PDZD2: variants seen among roughly 807,000 people sequenced by gnomAD.
PDZD2 encodes PDZ domain containing 2, also known as PDZ domain-containing protein 2.
Under a neutral mutation model 220.7 loss-of-function variants are expected in PDZD2, and 90 were observed. The observed-to-expected ratio is 0.41, with a 90% confidence interval of 0.34 to 0.49. The LOEUF is 0.49. Among genes scored for constraint, PDZD2 ranks in the 20% least tolerant of loss-of-function variants. The probability of loss-of-function intolerance (pLI) is 0.28; values close to 1 mark genes in which losing one functional copy is unlikely to be tolerated. For synonymous variants in PDZD2, 1,375 were observed against 1,450.5 expected (o/e 0.95, Z 1.18); for missense variants, 3,174 against 3,608.5 (o/e 0.88, Z 3.08).
chr5:31,799,347 G>C lies in PDZD2; in HGVS notation c.99G>C (p.Arg33=), dbSNP rs200296366. 27 of 1,614,098 alleles carry C rather than the reference G, an allele frequency of 1.7e-5. No individual in the cohort carries two copies. Among genetic ancestry groups the C allele is most frequent in the Admixed American group, 8.3e-5 (5 of 60,010 alleles). The change falls in exon 2 of 25, where the codon CGG becomes CGC. Residue 33 remains arginine (R), a synonymous_variant. Transcript: ENST00000438447. The part of the protein sequence containing the change: ...LQEGGDGPEQ[R]LCQAAIQKLQ... ...AAGGTGGGGATGGGCCGGAGCAGCGGCTCTGCCAGGCGGCCATCCAGAAGC... is the reference window on the plus strand; with the variant it reads ...AAGGTGGGGATGGGCCGGAGCAGCGCCTCTGCCAGGCGGCCATCCAGAAGC...
At chr5:31,972,441 C>T (rs1561228807) in intron 2 of PDZD2, among the ~76,000 whole-genome samples, 1 of 152,020 alleles carries the variant, frequency 6.6e-6, no homozygotes. Flanking sequence ...TTCTTGTAGC[C>T]CATCTCACTT....
At chr5:32,052,023 C>T (rs1354213964) in intron 8 of PDZD2, among the ~76,000 whole-genome samples, 1 of 152,176 alleles carries the variant, frequency 6.6e-6, no homozygotes, top group East Asian at 1.9e-4. Context: ...CTTCCTGACT[C>T]CATTCCAGAT....
chr5:31,953,149 A>G (rs1048427095), intron 2 of PDZD2, among the ~76,000 whole-genome samples: 9 of 152,260 alleles, frequency 5.9e-5, no homozygotes, highest in African/African-American at 2.2e-4. Flanking sequence ...AGTAATTAAA[A>G]GAGTGTGGCA....
At chr5:32,030,010 C>T (rs567639208) in intron 6 of PDZD2, among the ~76,000 whole-genome samples, 3 of 152,330 alleles carry the variant, frequency 2.0e-5, no homozygotes, top group South Asian at 2.1e-4. Flanking sequence ...GAAATCAACC[C>T]GGTCCTACTT....
intron 2 of PDZD2, among the ~76,000 whole-genome samples, chr5:31,827,952 A>G (rs983789219): frequency 6.6e-6 from 1 of 152,170 alleles, no homozygotes; most frequent in East Asian, 1.9e-4. Context: ...TACCTATTCC[A>G]GATATTTCAG....
intron 2 of PDZD2, among the ~76,000 whole-genome samples, chr5:31,879,702 G>T (rs1739686933): frequency 6.6e-6 from 1 of 151,862 alleles, no homozygotes; most frequent in Non-Finnish European, 1.5e-5. Flanking sequence ...AAGGATTGGA[G>T]AATTTTTTCC....
At position 32,022,274 on chromosome 5, in the gene PDZD2, T is replaced by G. The variant is rs1754277162; in HGVS notation, c.1407+11792T>G. 2.0e-5 allele frequency among the ~76,000 whole-genome samples: 3 copies of G among 150,730 alleles called. No homozygotes were observed. In the Admixed American group the frequency reaches 2.0e-4, roughly 10 times the overall value. On this transcript the variant is annotated intron_variant, in intron 6 of 24. Coordinates refer to ENST00000438447, the MANE Select transcript of PDZD2 (RefSeq NM_178140.4). ...GTGCAGTGGCATGATCTCTGCTCAGTGCAACCTCTACCTCCCGGGTTCAAG... is the reference window on the plus strand; with the variant it reads ...GTGCAGTGGCATGATCTCTGCTCAGGGCAACCTCTACCTCCCGGGTTCAAG...
At position 31,663,006 on chromosome 5, in the gene PDZD2, C is replaced by T. The variant is rs1162334877; in HGVS notation, c.-361+23569C>T. On this transcript the variant is annotated intron_variant, in intron 1 of 24. Coordinates refer to ENST00000438447, the MANE Select transcript of PDZD2 (RefSeq NM_178140.4). ...GAATTTGGGGTTGCAGGGTGGGACACGGACATTCAGGCCACGGCACCACCT... is the reference window on the plus strand; with the variant it reads ...GAATTTGGGGTTGCAGGGTGGGACATGGACATTCAGGCCACGGCACCACCT... Among the ~76,000 whole-genome samples the T allele has an allele frequency of 3.3e-5, 5 of 152,160 alleles. No homozygotes were observed. The South Asian group carries it at 6.2e-4, about 19-fold the overall frequency.
chr5:31,922,254 A>T (rs1744336147), intron 2 of PDZD2, among the ~76,000 whole-genome samples: 1 of 152,174 alleles, frequency 6.6e-6, no homozygotes, highest in Non-Finnish European at 1.5e-5. Flanking sequence ...CCAAGAGAGG[A>T]TTCTTCATGG....
intron 2 of PDZD2, among the ~76,000 whole-genome samples, chr5:31,887,683 G>C (rs368560558): frequency 2.0e-5 from 3 of 152,030 alleles, no homozygotes; most frequent in Admixed American, 6.6e-5. Flanking sequence ...ACAAAATTTC[G>C]CATAGCTGTA....
chr5:32,050,299 A>G (rs1738401304), intron 8 of PDZD2, among the ~76,000 whole-genome samples: 1 of 152,122 alleles, frequency 6.6e-6, no homozygotes, highest in Non-Finnish European at 1.5e-5. Context: ...CGTTGAGGTA[A>G]TTTCTTAACT....
intron 1 of PDZD2, among the ~76,000 whole-genome samples, chr5:31,688,817 C>T (rs1746973880): frequency 6.6e-6 from 1 of 152,116 alleles, no homozygotes; most frequent in South Asian, 2.1e-4. Context: ...TGGGTTTCCC[C>T]AAGCAGGGGG....
At chr5:31,862,101 G>GT (rs11417935) in intron 2 of PDZD2, among the ~76,000 whole-genome samples, 19,413 of 78,034 alleles carry the variant, frequency 0.25, 2,811 homozygotes, top group East Asian at 0.37. Flanking sequence ...TTTTTTTTGG[G>GT]TTTTTTTTTT....
In PDZD2 at chr5:32,061,412, C is replaced by T. The variant is rs139654516; in HGVS notation, c.2451+278C>T. Among the ~76,000 whole-genome samples, 314 of 152,296 alleles carry T rather than the reference C, an allele frequency of 2.1e-3. 1 individual carries two copies. Among genetic ancestry groups the T allele is most frequent in the African/African-American group, 7.0e-3 (290 of 41,566 alleles). ...TGGCTTTTTGAGCTCTGGTGAGATACTTAACCTCTTTGGGTTTTTGCAACA... is the reference window on the plus strand; with the variant it reads ...TGGCTTTTTGAGCTCTGGTGAGATATTTAACCTCTTTGGGTTTTTGCAACA... On this transcript the variant is annotated intron_variant, in intron 14 of 24. Coordinates refer to ENST00000438447, the MANE Select transcript of PDZD2 (RefSeq NM_178140.4).
At chr5:31,692,233 G>C (rs147147745) in intron 1 of PDZD2, among the ~76,000 whole-genome samples, 9 of 152,146 alleles carry the variant, frequency 5.9e-5, no homozygotes, top group African/African-American at 2.2e-4. Context: ...CTCACTGCCC[G>C]GGGCCGGTGG....
intron 2 of PDZD2, among the ~76,000 whole-genome samples, chr5:31,868,271 C>G (rs1218432121): frequency 1.3e-5 from 2 of 152,218 alleles, no homozygotes; most frequent in East Asian, 3.9e-4. Context: ...ATGGTGAAAC[C>G]CTGTCTCTAC....
chr5:31,816,011 G>A (rs576166977), intron 2 of PDZD2, among the ~76,000 whole-genome samples: 4 of 151,932 alleles, frequency 2.6e-5, no homozygotes, highest in East Asian at 1.9e-4. Flanking sequence ...GGATTGGGCC[G>A]GGCGCAGTGG....
Position 32,108,204 on chromosome 5 carries a change from C to T in PDZD2, c.*69C>T. On this transcript the variant is annotated 3_prime_UTR_variant, in exon 25 of 25. Transcript: ENST00000438447. The stretch of plus-strand genomic sequence containing the variant: ...AAATCAGAGTGACTTCTTTAAACCA[C>T]AGGTTGTTGAAATGGCCAACACTGG... 8.9e-7 allele frequency: 1 copy of T among 1,128,990 alleles called. No individual in the cohort carries two copies. The highest frequency in any genetic ancestry group is 2.5e-5 in the East Asian group (1 of 39,902). The allele number at this position is 1,128,990 out of a possible 1,614,324, so 69.9% of individuals were successfully genotyped here. A position where few individuals can be genotyped will look rare whatever the true frequency, so the allele number is the denominator to read the frequency against.
intron 2 of PDZD2, chr5:31,936,410 C>T (rs1398021988): frequency 2.4e-6 from 2 of 850,568 alleles, no homozygotes; most frequent in African/African-American, 3.7e-5. Flanking sequence ...ACTTACAGGT[C>T]TTCCAAGGGT....
Sources: gnomAD v4.1 joint callset for allele counts (sites outside exome capture counted in the v4.1 genomes callset) on GRCh38, gnomAD v4.1.1 for gene constraint, MANE v1.5 for transcripts, NCBI Gene and HGNC (gene_info 2026-07-23, HGNC 2026-07-21) for gene names.